TXNRD3: variants seen among roughly 807,000 people sequenced by gnomAD.
TXNRD3 encodes the protein TXNRD3 neighbor gene protein.
In TXNRD3, 68 loss-of-function variants were observed where a neutral mutation model predicts 78.2. The observed-to-expected ratio is 0.87, with a 90% confidence interval of 0.72 to 1.06. The LOEUF is 1.06. Ranked by LOEUF, TXNRD3 falls within the 50% of genes least tolerant of loss-of-function variation. TXNRD3 has a pLI of 0.00. For synonymous variants in TXNRD3, 296 were observed against 300.1 expected (o/e 0.99, Z 0.14); for missense variants, 751 against 809.5 (o/e 0.93, Z 0.88).
chr3:126,611,024 TG>T lies in TXNRD3; in HGVS notation c.1728+12del. On this transcript the variant is annotated intron_variant, in intron 14 of 15. Transcript: ENST00000524230. ...AAAATCACAGCATTTTGGCTTCTAG[TG>T]GTATTACATACATGGTCGAATTTAT... 7.2e-7 allele frequency: 1 copy of T among 1,385,910 alleles called. No homozygotes were observed. The highest frequency in any genetic ancestry group is 9.5e-7 in the Non-Finnish European group (1 of 1,047,276). 85.9% of individuals were successfully genotyped at this position (1,385,910 alleles called of 1,614,324 possible). A position where few individuals can be genotyped will look rare whatever the true frequency, so the allele number is the denominator to read the frequency against.
At chr3:126,631,086 G>A (rs1264820102) in intron 8 of TXNRD3, 149 bp from the exon 9 acceptor site, 1 of 805,134 alleles carries the variant, frequency 1.2e-6, no homozygotes, top group Non-Finnish European at 1.9e-6. Context: ...AATTGAGTCT[G>A]CTGTGGAGAG....
At chr3:126,644,705 C>T (rs372193167) in intron 3 of TXNRD3, among the ~76,000 whole-genome samples, 86 of 152,278 alleles carry the variant, frequency 5.6e-4, no homozygotes, top group African/African-American at 1.9e-3. Context: ...TTTCCTTGGT[C>T]TAATTATCAA....
At chr3:126,608,415 A>T in intron 15 of TXNRD3, 84 bp downstream of exon 15, 1 of 1,320,602 alleles carries the variant, frequency 7.6e-7, no homozygotes. Context: ...AGTTACTAAT[A>T]TGACATCTTT....
At chr3:126,614,884 T>C (rs1938278749) in intron 13 of TXNRD3, among the ~76,000 whole-genome samples, 1 of 151,868 alleles carries the variant, frequency 6.6e-6, no homozygotes, top group South Asian at 2.1e-4. Context: ...CAGCAAGAAA[T>C]GATGTAAGAA....
Position 126,654,882 on chromosome 3 carries a change from G to A in TXNRD3, c.109C>T (p.Arg37Cys), listed in dbSNP as rs770721313. 7.5e-7 allele frequency: 1 copy of A among 1,326,612 alleles called. No individual in the cohort carries two copies. Among genetic ancestry groups the A allele is most frequent in the Non-Finnish European group, 9.6e-7 (1 of 1,046,940 alleles). 82.2% of individuals were successfully genotyped at this position (1,326,612 alleles called of 1,614,324 possible). ...GGCCCGGGGGACGACAGGCGGGCAC[G>A]GCGCCCCGGCGGCGACAACACGCGC... is the stretch of plus-strand genomic sequence containing the variant. Residue 37 changes from arginine (R) to cysteine (C), a missense_variant, in exon 1 of 16, where the codon CGT (arginine) becomes TGT (cysteine). Coordinates refer to ENST00000524230, the MANE Select transcript of TXNRD3 (RefSeq NM_052883.3).
chr3:126,641,881 A>G, intron 6 of TXNRD3, 151 bp downstream of exon 6: 1 of 985,640 alleles, frequency 1.0e-6, no homozygotes, highest in South Asian at 2.1e-5. Context: ...GCCCTTTTGC[A>G]TCCTCTGTGC....
Position 126,608,518 on chromosome 3 carries a change from AT to A in TXNRD3, c.1843del (p.Ile615PhefsTer20). ...TCCTACCTCCCCACATGTGGGGTGA[AT>A]TCCAATGGTGTCATCAAGTAGCTGT... On this transcript the variant is annotated frameshift_variant, in exon 15 of 16. Transcript: ENST00000524230. LOFTEE classifies it high-confidence loss of function. 1 of 1,534,860 alleles carries A rather than the reference AT, an allele frequency of 6.5e-7. No homozygotes were observed. Among genetic ancestry groups the A allele is most frequent in the South Asian group, 1.2e-5 (1 of 83,702 alleles).
chr3:126,635,988 A>G (rs1938851453), intron 6 of TXNRD3, among the ~76,000 whole-genome samples: 1 of 152,108 alleles, frequency 6.6e-6, no homozygotes, highest in Non-Finnish European at 1.5e-5. Flanking sequence ...CTGGAGTGCT[A>G]TGGCATGGTC....
chr3:126,624,377 G>T (rs776076038), intron 10 of TXNRD3, among the ~76,000 whole-genome samples: 1 of 151,860 alleles, frequency 6.6e-6, no homozygotes, highest in Admixed American at 6.6e-5. Flanking sequence ...ACAGACAAAC[G>T]GTCTATGAGA....
intron 1 of TXNRD3, among the ~76,000 whole-genome samples, chr3:126,654,163 A>G (rs1933454164): frequency 6.6e-6 from 1 of 152,238 alleles, no homozygotes; most frequent in African/African-American, 2.4e-5. Context: ...AAGAAACTAT[A>G]CACATCAATG....
intron 14 of TXNRD3, 144 bp downstream of exon 14, chr3:126,610,893 C>T: frequency 6.5e-6 from 3 of 464,456 alleles, no homozygotes; most frequent in East Asian, 7.0e-5. Flanking sequence ...GCAGGAGGAT[C>T]ACTTGAGGCC....
At chr3:126,635,239 T>C (rs1378558635) in intron 6 of TXNRD3, among the ~76,000 whole-genome samples, 2 of 152,210 alleles carry the variant, frequency 1.3e-5, no homozygotes, top group Non-Finnish European at 2.9e-5. Flanking sequence ...TGTGTCCTTT[T>C]GTTTCTTGTT....
intron 15 of TXNRD3, 80 bp downstream of exon 15, chr3:126,608,419 C>CA: frequency 7.5e-7 from 1 of 1,339,842 alleles, no homozygotes. Context: ...ACTAATATGA[C>CA]ATCTTTCTGA....
chr3:126,647,442 T>C lies in TXNRD3; in HGVS notation c.244-146A>G, dbSNP rs936880061. 13 of 632,060 alleles carry C rather than the reference T, an allele frequency of 2.1e-5. No individual in the cohort carries two copies. The African/African-American group carries it at 2.4e-4, about 12-fold the overall frequency. The allele number at this position is 632,060 out of a possible 1,614,324, so 39.2% of individuals were successfully genotyped here. On this transcript the variant is annotated intron_variant, in intron 1 of 15. Coordinates refer to ENST00000524230, the MANE Select transcript of TXNRD3 (RefSeq NM_052883.3). The stretch of plus-strand genomic sequence containing the variant: ...GTGTGGTTTTTGTTTTTGTTTTTGA[T>C]TTTTTCCTTTCCTCTACACATCTTC...
chr3:126,645,737 C>A (rs1248387348), intron 3 of TXNRD3, among the ~76,000 whole-genome samples: 1 of 152,192 alleles, frequency 6.6e-6, no homozygotes. Context: ...AGGCCTTTGG[C>A]AACCACCCCA....
At chr3:126,633,564 A>G (rs1938776110) in intron 7 of TXNRD3, among the ~76,000 whole-genome samples, 2 of 152,200 alleles carry the variant, frequency 1.3e-5, no homozygotes, top group South Asian at 4.1e-4. Flanking sequence ...AGTTCTAGTT[A>G]AGGTTTCATT....
intron 6 of TXNRD3, 62 bp downstream of exon 6, chr3:126,641,970 C>T: frequency 7.0e-7 from 1 of 1,437,998 alleles, no homozygotes; most frequent in Non-Finnish European, 9.1e-7. Context: ...AATACCAAGT[C>T]TTTATCTAAA....
chr3:126,648,895 C>T (rs767134307), intron 1 of TXNRD3, among the ~76,000 whole-genome samples: 11 of 152,180 alleles, frequency 7.2e-5, no homozygotes, highest in African/African-American at 1.4e-4. Context: ...CAGTTATCTA[C>T]TCAGGAGGCT....
chr3:126,644,183 A>ATTGC, intron 4 of TXNRD3, 114 bp downstream of exon 4: 1 of 1,348,444 alleles, frequency 7.4e-7, no homozygotes, highest in South Asian at 1.3e-5. Context: ...TATACCAGCT[A>ATTGC]TTACAACAAA....
Sources: allele counts gnomAD v4.1 joint callset (sites outside exome capture counted in the v4.1 genomes callset), GRCh38; gene constraint gnomAD v4.1.1; transcripts MANE v1.5; gene names NCBI Gene and HGNC (gene_info 2026-07-23, HGNC 2026-07-21).